The following EXD1 variants were observed in gnomAD, a reference collection of about 807,000 sequenced individuals.
EXD1 encodes the protein exonuclease 3'-5' domain containing 1.
EXD1 carries 63 observed loss-of-function variants against 49.1 expected under a neutral mutation model. That is an observed-to-expected ratio of 1.28 (90% confidence interval 1.05 to 1.58). EXD1 has a LOEUF of 1.58. Ranked by LOEUF, EXD1 falls within the 40% of genes most tolerant of loss-of-function variation. The pLI, the probability that EXD1 is intolerant of heterozygous loss-of-function variation, is 0.00. For missense variants in EXD1, 748 were observed against 666.0 expected, an observed-to-expected ratio of 1.12 and a Z score of -1.36; for synonymous variants, 234 against 239.2, an observed-to-expected ratio of 0.98 and a Z score of 0.20.
chr15:41,189,714 A>G (rs2046474982), intron 11 of EXD1, among the ~76,000 whole-genome samples: 1 of 150,224 alleles, frequency 6.7e-6, no homozygotes. Flanking sequence ...ATATGGAAAT[A>G]TTAAACTTAC....
chr15:41,226,055 A>T (rs1323244868), intron 2 of EXD1, among the ~76,000 whole-genome samples: 1 of 152,116 alleles, frequency 6.6e-6, no homozygotes, highest in Non-Finnish European at 1.5e-5. Flanking sequence ...GATCGAGACC[A>T]TCCTGGCTAA....
intron 7 of EXD1, among the ~76,000 whole-genome samples, chr15:41,206,698 T>C (rs2046829964): frequency 7.2e-6 from 1 of 138,388 alleles, no homozygotes; most frequent in Non-Finnish European, 1.5e-5. Flanking sequence ...CTCGGCTCAC[T>C]GAAACCTCCT....
At chr15:41,202,082 C>G (rs1276932960) in intron 7 of EXD1, among the ~76,000 whole-genome samples, 1 of 151,962 alleles carries the variant, frequency 6.6e-6, no homozygotes, top group African/African-American at 2.4e-5. Context: ...TCTGTCATTT[C>G]AGGAGCTGAA....
In EXD1 at chr15:41,203,916, CAAAAAAAAA is replaced by C. The variant is rs1187093511; in HGVS notation, c.534+5576_534+5584del. Among the ~76,000 whole-genome samples, 42 of 23,242 alleles carry C rather than the reference CAAAAAAAAA, an allele frequency of 1.8e-3. 1 individual carries two copies. Among genetic ancestry groups the C allele is most frequent in the Non-Finnish European group, 2.2e-3 (34 of 15,378 alleles). 15.2% of individuals were successfully genotyped at this position (23,242 alleles called of 152,430 possible). A position where few individuals can be genotyped will look rare whatever the true frequency, so the allele number is the denominator to read the frequency against. ...TGGGCAAAAGAGCAAGACTTCTCCT[CAAAAAAAAA>C]AAAAAAAAAAAAAAAAAAACCCTAA... is the stretch of plus-strand genomic sequence containing the variant. On this transcript the variant is annotated intron_variant, in intron 7 of 11. Coordinates refer to ENST00000458580, the MANE Select transcript of EXD1 (RefSeq NM_001286441.2).
rs181380774 is a variant in EXD1 at position 41,210,811 on chromosome 15, C to G, written c.448-1224G>C. ...AAATATTTGCATGATAAAAGATTCT[C>G]CCCATTTTATAGGTAGTTCAATTAT... is the stretch of plus-strand genomic sequence containing the variant. On this transcript the variant is annotated intron_variant, in intron 6 of 11. Coordinates refer to ENST00000458580, the MANE Select transcript of EXD1 (RefSeq NM_001286441.2). Among the ~76,000 whole-genome samples, 47 of 152,256 alleles carry G rather than the reference C, an allele frequency of 3.1e-4. No individual in the cohort carries two copies. The East Asian group carries it at 8.9e-3, about 29-fold the overall frequency.
intron 2 of EXD1, among the ~76,000 whole-genome samples, chr15:41,222,682 T>C (rs2047107671): frequency 1.3e-5 from 2 of 148,516 alleles, no homozygotes; most frequent in South Asian, 4.3e-4. Flanking sequence ...CTCACGGCTA[T>C]AATCTCAGCA....
intron 7 of EXD1, among the ~76,000 whole-genome samples, chr15:41,199,177 G>T (rs183811706): frequency 6.6e-6 from 1 of 151,824 alleles, no homozygotes; most frequent in Non-Finnish European, 1.5e-5. Flanking sequence ...CAGGCTGGTC[G>T]TGAACTCCTG....
chr15:41,217,685 G>A (rs150456473), intron 3 of EXD1, among the ~76,000 whole-genome samples: 1 of 152,028 alleles, frequency 6.6e-6, no homozygotes, highest in East Asian at 1.9e-4. Flanking sequence ...ACAGGCATGC[G>A]CCACCACACA....
At chr15:41,211,836 C>G (rs2046926030) in intron 6 of EXD1, among the ~76,000 whole-genome samples, 1 of 149,302 alleles carries the variant, frequency 6.7e-6, no homozygotes, top group African/African-American at 2.5e-5. Context: ...GTGGTACACA[C>G]CTATAGTCCA....
chr15:41,217,116 C>T lies in EXD1; in HGVS notation c.241G>A (p.Ala81Thr). The T allele has an allele frequency of 1.2e-6, 2 of 1,612,334 alleles. No individual in the cohort carries two copies. Among genetic ancestry groups the T allele is most frequent in the South Asian group, 1.1e-5 (1 of 91,030 alleles). Residue 81 changes from alanine (A) to threonine (T), a missense_variant, in exon 4 of 12, where the codon GCA becomes ACA. Transcript: ENST00000458580. ...LDEVEQGSVR[A>T]KASSVSLHAE... Reference sequence around the variant, plus strand: ...TCTTACCTAACAGAAGATGCTTTTGCTCTCACTGAGCCTTGTTCCACTTCA... The same window carrying T: ...TCTTACCTAACAGAAGATGCTTTTGTTCTCACTGAGCCTTGTTCCACTTCA...
Position 41,216,716 on chromosome 15 carries a change from C to T in EXD1, c.340G>A (p.Glu114Lys). The change falls in exon 5 of 12, where the codon GAA becomes AAA. Residue 114 changes from glutamate to lysine, a missense_variant. Physicochemically the swap from Glu to Lys is moderately conservative, Grantham distance 56 (BLOSUM62 1). Transcript: ENST00000458580. ...TTCAGCAGAGAGGTAGCTGGTGCTT[C>T]AGGGGCAGGAGAAGCAGGCTCACAT... ...NVCEPASPAP[E>K]APATSLLNDL... 1.2e-6 allele frequency: 2 copies of T among 1,613,708 alleles called. No individual in the cohort carries two copies. Among genetic ancestry groups the T allele is most frequent in the Middle Eastern group, 3.5e-4 (2 of 5,714 alleles).
chr15:41,191,686 C>T (rs747404964), intron 9 of EXD1, 101 bp from the exon 10 acceptor site: 20 of 1,138,364 alleles, frequency 1.8e-5, no homozygotes, highest in Non-Finnish European at 2.5e-5. Flanking sequence ...ACATTTTCCC[C>T]AAGGACCCAC....
intron 9 of EXD1, among the ~76,000 whole-genome samples, chr15:41,193,022 G>C (rs991132371): frequency 6.6e-6 from 1 of 151,908 alleles, no homozygotes; most frequent in African/African-American, 2.4e-5. Context: ...CTGACCTTGT[G>C]ATCCGTCCGC....
At chr15:41,220,079 T>C (rs1436147360) in intron 2 of EXD1, among the ~76,000 whole-genome samples, 181 bp from the exon 3 acceptor site, 1 of 151,422 alleles carries the variant, frequency 6.6e-6, no homozygotes, top group Non-Finnish European at 1.5e-5. Context: ...AGCTACGACC[T>C]TTAAACAAGT....
chr15:41,220,068 A>C (rs2047063137), intron 2 of EXD1, among the ~76,000 whole-genome samples, 170 bp from the exon 3 acceptor site: 1 of 152,078 alleles, frequency 6.6e-6, no homozygotes, highest in African/African-American at 2.4e-5. Flanking sequence ...ATAAATGACA[A>C]AGCTACGACC....
chr15:41,201,665 T>G (rs1027506012), intron 7 of EXD1, among the ~76,000 whole-genome samples: 2 of 151,860 alleles, frequency 1.3e-5, no homozygotes, highest in Non-Finnish European at 2.9e-5. Flanking sequence ...ATTTTTCATA[T>G]TTTTAGTAGA....
rs777215764 is a variant in EXD1, at chr15:41,209,550, G to A, written c.485C>T (p.Ala162Val). 1.2e-6 allele frequency: 2 copies of A among 1,614,162 alleles called. No homozygotes were observed. Among genetic ancestry groups the A allele is most frequent in the East Asian group, 2.2e-5 (1 of 44,888 alleles). ...GCGACATACATTCGCTCCTTCTGCT[G>A]CCACACTCAGGACATTCTGCTTCTT... ...HIKKQNVLSV[A>V]AEGANVCRHG... The change falls in exon 7 of 12, where the codon GCA becomes GTA. Residue 162 changes from alanine to valine, a missense_variant. Ala to Val is a moderately conservative substitution (Grantham distance 64). Coordinates refer to ENST00000458580, the MANE Select transcript of EXD1 (RefSeq NM_001286441.2).
intron 6 of EXD1, among the ~76,000 whole-genome samples, chr15:41,210,438 T>A (rs1367232495): frequency 6.6e-6 from 1 of 152,154 alleles, no homozygotes; most frequent in African/African-American, 2.4e-5. Context: ...ATGCCTATAA[T>A]CCCAGCACTT....
At chr15:41,227,847 C>T (rs1305007799) in intron 1 of EXD1, among the ~76,000 whole-genome samples, 1 of 151,936 alleles carries the variant, frequency 6.6e-6, no homozygotes, top group Admixed American at 6.6e-5. Flanking sequence ...GTCAGGAGTT[C>T]GAGACCAGCC....
Sources: allele counts gnomAD v4.1 joint callset (sites outside exome capture counted in the v4.1 genomes callset), GRCh38; gene constraint gnomAD v4.1.1; transcripts MANE v1.5; gene names NCBI Gene and HGNC (gene_info 2026-07-23, HGNC 2026-07-21).